The following LRRC4C variants were observed in gnomAD, a reference collection of about 807,000 sequenced individuals.
The protein encoded by LRRC4C is leucine-rich repeat-containing protein 4C.
Under a neutral mutation model 33.6 loss-of-function variants are expected in LRRC4C, and 5 were observed. The observed-to-expected ratio is 0.15, with a 90% CI of 0.08 to 0.31. The LOEUF (loss-of-function observed/expected upper bound fraction) is 0.31, where lower values mean the gene tolerates loss of function less well. Ranked by LOEUF, LRRC4C falls within the 10% of genes least tolerant of loss-of-function variation. The probability of loss-of-function intolerance (pLI) is 1.00; values close to 1 mark genes in which losing one functional copy is unlikely to be tolerated. For missense variants in LRRC4C, 560 were observed against 796.7 expected, an observed-to-expected ratio of 0.70 and a Z score of 3.58; for synonymous variants, 329 against 302.0, an observed-to-expected ratio of 1.09 and a Z score of -0.93.
At chr11:40,949,039 G>A (rs2136690528) in intron 1 of LRRC4C, among the ~76,000 whole-genome samples, 1 of 152,126 alleles carries the variant, frequency 6.6e-6, no homozygotes, top group Admixed American at 6.6e-5. Flanking sequence ...GTTGTTTCCT[G>A]ACTTTTTAAT....
At chr11:40,762,388 A>G (rs1320088596) in intron 2 of LRRC4C, among the ~76,000 whole-genome samples, 1 of 152,182 alleles carries the variant, frequency 6.6e-6, no homozygotes, top group Admixed American at 6.5e-5. Context: ...CTCATCTGGC[A>G]AATCAGAGAG....
chr11:40,780,992 A>AT (rs1950190623), intron 2 of LRRC4C, among the ~76,000 whole-genome samples: 1 of 152,128 alleles, frequency 6.6e-6, no homozygotes, highest in Non-Finnish European at 1.5e-5. Flanking sequence ...GTTCTAAGAA[A>AT]TTGGGAAATA....
At chr11:40,750,808 G>GAA (rs57426456) in intron 2 of LRRC4C, among the ~76,000 whole-genome samples, 2 of 136,158 alleles carry the variant, frequency 1.5e-5, no homozygotes, top group African/African-American at 2.7e-5. Flanking sequence ...ATAATAAAAA[G>GAA]AAAAAAAAAA....
chr11:40,755,207 T>C (rs907382769), intron 2 of LRRC4C, among the ~76,000 whole-genome samples: 1 of 152,134 alleles, frequency 6.6e-6, no homozygotes, highest in Non-Finnish European at 1.5e-5. Flanking sequence ...CAACTACTAC[T>C]ACTGATACTA....
intron 2 of LRRC4C, among the ~76,000 whole-genome samples, chr11:40,822,553 C>A (rs1019728110): frequency 6.6e-6 from 1 of 151,314 alleles, no homozygotes; most frequent in Non-Finnish European, 1.5e-5. Context: ...TTGTTTGAGT[C>A]TCTTATATAT....
intron 1 of LRRC4C, among the ~76,000 whole-genome samples, chr11:41,162,831 T>C (rs1944533885): frequency 6.6e-6 from 1 of 152,250 alleles, no homozygotes; most frequent in Non-Finnish European, 1.5e-5. Flanking sequence ...CTGTAGACTT[T>C]ATGAACACTG....
At chr11:41,004,700 T>C (rs528462972) in intron 1 of LRRC4C, among the ~76,000 whole-genome samples, 2 of 151,936 alleles carry the variant, frequency 1.3e-5, no homozygotes, top group East Asian at 3.9e-4. Flanking sequence ...TCAGTGTTCA[T>C]TCACATAAAT....
chr11:40,304,509 G>A (rs1048193921), intron 4 of LRRC4C, among the ~76,000 whole-genome samples: 6 of 152,002 alleles, frequency 3.9e-5, no homozygotes, highest in South Asian at 2.1e-4. Flanking sequence ...TTATTCAAAC[G>A]AAATATTAAC....
intron 1 of LRRC4C, among the ~76,000 whole-genome samples, chr11:40,938,120 GA>G (rs1453595393): frequency 6.6e-6 from 1 of 152,146 alleles, no homozygotes; most frequent in African/African-American, 2.4e-5. Context: ...CATCACTTAA[GA>G]ATGTTCTTTC....
chr11:40,467,035 C>T (rs1952685730), intron 3 of LRRC4C, among the ~76,000 whole-genome samples: 1 of 152,034 alleles, frequency 6.6e-6, no homozygotes, highest in South Asian at 2.1e-4. Flanking sequence ...AAGGAAAAGA[C>T]GCAGCCTCAG....
At chr11:41,398,214 T>G (rs946742823) in intron 1 of LRRC4C, among the ~76,000 whole-genome samples, 1 of 152,006 alleles carries the variant, frequency 6.6e-6, no homozygotes, top group African/African-American at 2.4e-5. Context: ...TTTCACTTTC[T>G]TAGGAAGTCT....
At chr11:40,333,112 G>T (rs1009571435) in intron 3 of LRRC4C, among the ~76,000 whole-genome samples, 1 of 152,110 alleles carries the variant, frequency 6.6e-6, no homozygotes, top group Admixed American at 6.6e-5. Context: ...AAATAGCATA[G>T]AGAGTGAAGG....
chr11:41,386,884 C>A (rs1183059583), intron 1 of LRRC4C, among the ~76,000 whole-genome samples: 1 of 151,598 alleles, frequency 6.6e-6, no homozygotes, highest in Non-Finnish European at 1.5e-5. Context: ...TGTCTTTATT[C>A]CTTTGTGTAA....
chr11:40,697,340 G>T (rs751308467), intron 2 of LRRC4C, among the ~76,000 whole-genome samples: 39 of 152,166 alleles, frequency 2.6e-4, no homozygotes, highest in South Asian at 6.2e-4. Flanking sequence ...GACTCAAAGC[G>T]CAAGGAGGCT....
intron 3 of LRRC4C, among the ~76,000 whole-genome samples, chr11:40,537,937 A>G (rs938882369): frequency 6.6e-6 from 1 of 152,114 alleles, no homozygotes; most frequent in Admixed American, 6.5e-5. Flanking sequence ...GTCTGTTAGG[A>G]AAGCCGAATC....
chr11:41,357,504 CA>C (rs1210791417), intron 1 of LRRC4C, among the ~76,000 whole-genome samples: 2 of 151,938 alleles, frequency 1.3e-5, no homozygotes, highest in Admixed American at 1.3e-4. Flanking sequence ...GATGTAGGCT[CA>C]CAGAAGAATT....
At chr11:40,370,385 T>A (rs1028367515) in intron 3 of LRRC4C, among the ~76,000 whole-genome samples, 1 of 152,222 alleles carries the variant, frequency 6.6e-6, no homozygotes, top group Non-Finnish European at 1.5e-5. Flanking sequence ...GTAGGATTAA[T>A]GATCAGGGAA....
chr11:40,274,048 A>G (rs1942909135), intron 4 of LRRC4C, among the ~76,000 whole-genome samples: 1 of 152,092 alleles, frequency 6.6e-6, no homozygotes, highest in African/African-American at 2.4e-5. Context: ...AGCATTCTCC[A>G]GGTGCATCAA....
intron 1 of LRRC4C, among the ~76,000 whole-genome samples, chr11:41,127,975 T>C (rs1942828737): frequency 6.6e-6 from 1 of 152,150 alleles, no homozygotes; most frequent in South Asian, 2.1e-4. Flanking sequence ...AAGGTTCCAC[T>C]ATTGGCTGGC....
Sources: allele counts gnomAD v4.1 joint callset (sites outside exome capture counted in the v4.1 genomes callset), GRCh38; gene constraint gnomAD v4.1.1; transcripts MANE v1.5; gene names NCBI Gene and HGNC (gene_info 2026-07-23, HGNC 2026-07-21).